SCFD2: variants seen among roughly 807,000 people sequenced by gnomAD.
The protein encoded by SCFD2 is sec1 family domain-containing protein 2.
SCFD2 carries 54 observed loss-of-function variants against 58.9 expected under a neutral mutation model. The observed-to-expected ratio is 0.92, with a 90% CI of 0.74 to 1.15. The LOEUF is 1.15. SCFD2 is among the 50% of genes most tolerant of loss of function. SCFD2 has a pLI of 0.00. For missense variants in SCFD2, 805 were observed against 836.6 expected (o/e 0.96, Z 0.47); for synonymous variants, 321 against 335.9 (o/e 0.96, Z 0.49).
chr4:53,040,071 C>T (rs554026327), intron 5 of SCFD2, among the ~76,000 whole-genome samples: 71 of 152,308 alleles, frequency 4.7e-4, no homozygotes, highest in African/African-American at 1.7e-3. Flanking sequence ...TCACCTCCAT[C>T]AGCATTGAGC....
chr4:53,102,938 AATAC>A (rs1724872070), intron 5 of SCFD2, among the ~76,000 whole-genome samples: 1 of 152,276 alleles, frequency 6.6e-6, no homozygotes, highest in Non-Finnish European at 1.5e-5. Context: ...ATAATAAATA[AATAC>A]ATACATACAT....
chr4:53,180,050 T>C (rs910526742), intron 4 of SCFD2, among the ~76,000 whole-genome samples: 8 of 152,118 alleles, frequency 5.3e-5, no homozygotes, highest in East Asian at 1.9e-4. Context: ...ACAATAATAG[T>C]AGGAGACTTT....
intron 5 of SCFD2, among the ~76,000 whole-genome samples, chr4:53,136,200 G>T (rs1725933279): frequency 6.6e-6 from 1 of 152,148 alleles, no homozygotes; most frequent in Admixed American, 6.5e-5. Flanking sequence ...GCCAAAGGTT[G>T]GGAATCACTG....
intron 5 of SCFD2, among the ~76,000 whole-genome samples, chr4:52,999,299 C>A (rs895397095): frequency 2.0e-5 from 3 of 152,160 alleles, no homozygotes; most frequent in African/African-American, 7.2e-5. Flanking sequence ...GTGTGAATGA[C>A]CATGAATCTA....
At chr4:53,181,658 C>A (rs1449453256) in intron 4 of SCFD2, among the ~76,000 whole-genome samples, 1 of 152,064 alleles carries the variant, frequency 6.6e-6, no homozygotes, top group Non-Finnish European at 1.5e-5. Context: ...CTGGCCAGGG[C>A]AATCAGGCAG....
At chr4:53,187,990 T>G (rs183773650) in intron 4 of SCFD2, among the ~76,000 whole-genome samples, 1 of 152,220 alleles carries the variant, frequency 6.6e-6, no homozygotes, top group Admixed American at 6.6e-5. Context: ...ATAAAAGTCA[T>G]ACAGTAATGA....
intron 5 of SCFD2, among the ~76,000 whole-genome samples, chr4:52,974,873 A>G (rs1027622051): frequency 2.6e-5 from 4 of 152,200 alleles, no homozygotes; most frequent in African/African-American, 7.2e-5. Flanking sequence ...CCGCATATCT[A>G]CAACCATCTG....
intron 4 of SCFD2, among the ~76,000 whole-genome samples, chr4:53,219,827 C>T (rs1728994574): frequency 6.6e-6 from 1 of 152,134 alleles, no homozygotes; most frequent in Non-Finnish European, 1.5e-5. Context: ...TTAAGATACA[C>T]TAAGATCAAA....
intron 4 of SCFD2, among the ~76,000 whole-genome samples, chr4:53,238,157 G>A (rs1380861202): frequency 2.1e-5 from 3 of 140,430 alleles, no homozygotes; most frequent in Admixed American, 7.0e-5. Context: ...CCTCCCAGAC[G>A]GGGTGGCTGG....
intron 4 of SCFD2, among the ~76,000 whole-genome samples, chr4:53,154,415 T>A (rs1177782747): frequency 1.3e-5 from 2 of 152,092 alleles, no homozygotes; most frequent in African/African-American, 2.4e-5. Context: ...AGATCTCACA[T>A]AAACTCTGAG....
chr4:53,012,834 G>T (rs73818011), intron 5 of SCFD2, among the ~76,000 whole-genome samples: 2,856 of 134,508 alleles, frequency 0.021, 55 homozygotes, highest in African/African-American at 0.056. Flanking sequence ...GTGTGTGTGT[G>T]TGTTTTTTTT....
At chr4:53,002,176 A>G (rs1721878189) in intron 5 of SCFD2, among the ~76,000 whole-genome samples, 1 of 152,200 alleles carries the variant, frequency 6.6e-6, no homozygotes, top group Non-Finnish European at 1.5e-5. Context: ...TGTGAGAAAC[A>G]CACGAATAAG....
At chr4:53,069,796 G>C (rs1259159693) in intron 5 of SCFD2, among the ~76,000 whole-genome samples, 1 of 151,970 alleles carries the variant, frequency 6.6e-6, no homozygotes, top group African/African-American at 2.4e-5. Flanking sequence ...TGGATAACTG[G>C]TGTGTATTGT....
intron 5 of SCFD2, among the ~76,000 whole-genome samples, chr4:52,975,089 C>T (rs971580375): frequency 6.6e-6 from 1 of 152,096 alleles, no homozygotes; most frequent in African/African-American, 2.4e-5. Flanking sequence ...CTAGGCAATA[C>T]CATTCAGGAC....
intron 3 of SCFD2, among the ~76,000 whole-genome samples, chr4:53,289,667 C>T (rs544599137): frequency 1.1e-4 from 17 of 152,032 alleles, no homozygotes; most frequent in Non-Finnish European, 2.1e-4. Context: ...AGTCACCAAT[C>T]AGAAGATATA....
At chr4:52,875,625 TGGAAAA>T (rs1718451066) in intron 8 of SCFD2, among the ~76,000 whole-genome samples, 1 of 151,116 alleles carries the variant, frequency 6.6e-6, no homozygotes, top group African/African-American at 2.4e-5. Flanking sequence ...AGCTCATTGA[TGGAAAA>T]CAAAAAGTCT....
chr4:53,105,764 A>G (rs1724976006), intron 5 of SCFD2, among the ~76,000 whole-genome samples: 1 of 152,182 alleles, frequency 6.6e-6, no homozygotes, highest in South Asian at 2.1e-4. Flanking sequence ...GCGCAGCTTC[A>G]GCAGACTTAA....
chr4:53,120,674 C>T (rs1426165371), intron 5 of SCFD2, among the ~76,000 whole-genome samples: 1 of 152,052 alleles, frequency 6.6e-6, no homozygotes, highest in Non-Finnish European at 1.5e-5. Context: ...GACTGTCAGG[C>T]GTCATACCCA....
intron 7 of SCFD2, among the ~76,000 whole-genome samples, chr4:52,893,036 A>C (rs931847503): frequency 1.3e-5 from 2 of 152,204 alleles, no homozygotes; most frequent in African/African-American, 4.8e-5. Flanking sequence ...AGAAAATATA[A>C]ACAATGGTTT....
Sources: gnomAD v4.1 joint callset for allele counts (sites outside exome capture counted in the v4.1 genomes callset) on GRCh38, gnomAD v4.1.1 for gene constraint, MANE v1.5 for transcripts, NCBI Gene and HGNC (gene_info 2026-07-23, HGNC 2026-07-21) for gene names.